ABCG1: variants seen among roughly 807,000 people sequenced by gnomAD.
The protein encoded by ABCG1 is ATP binding cassette subfamily G member 1.
ABCG1 carries 29 observed loss-of-function variants against 69.2 expected under a neutral mutation model. The observed-to-expected ratio is 0.42, with a 90% CI of 0.31 to 0.57. The LOEUF is 0.57. Ranked by LOEUF, ABCG1 falls within the 20% of genes least tolerant of loss-of-function variation. The probability of loss-of-function intolerance (pLI) is 0.15; values close to 1 mark genes in which losing one functional copy is unlikely to be tolerated. For missense variants in ABCG1, 718 were observed against 898.1 expected (o/e 0.80, Z 2.56); for synonymous variants, 370 against 374.8 (o/e 0.99, Z 0.15).
intron 2 of ABCG1, among the ~76,000 whole-genome samples, chr21:42,205,122 C>T (rs1425238793): frequency 3.3e-5 from 5 of 151,598 alleles, no homozygotes; most frequent in Admixed American, 6.6e-5. Flanking sequence ...TTGCATCTTG[C>T]GAGGAAGTGG....
chr21:42,243,849 C>G (rs1460086116), intron 2 of ABCG1, among the ~76,000 whole-genome samples: 1 of 117,728 alleles, frequency 8.5e-6, no homozygotes, highest in Non-Finnish European at 1.6e-5. Context: ...GACGGAGTCT[C>G]ACTCTGTCGC....
At position 42,296,257 on chromosome 21, in the gene ABCG1, G is replaced by A. The variant is rs371959642; in HGVS notation, c.1866G>A (p.Ser622=). The A allele has an allele frequency of 1.1e-5, 18 of 1,613,998 alleles. No homozygotes were observed. The highest frequency in any genetic ancestry group is 3.3e-5 in the South Asian group (3 of 91,080). The change falls in exon 15 of 15, where the codon TCG becomes TCA. Residue 622 remains serine, a synonymous_variant. Transcript: ENST00000398449. The surrounding 1 kb of genome is among the most constrained non-coding windows in gnomAD (Gnocchi z 5.4). ...ACGAGACGTGCCACTTCCAGAAGTC[G>A]GAGGCCATCCTGCGGGAGCTGGACG... ...DIDETCHFQK[S]EAILRELDVE...
chr21:42,251,133 T>G (rs2068214790), intron 2 of ABCG1, among the ~76,000 whole-genome samples: 1 of 152,118 alleles, frequency 6.6e-6, no homozygotes, highest in Non-Finnish European at 1.5e-5. Context: ...AGGAGGGAAG[T>G]GGGATTCAGA....
At chr21:42,221,125 C>T (rs962022653) in intron 1 of ABCG1, 1 of 151,856 alleles carries the variant, frequency 6.6e-6, no homozygotes, top group Non-Finnish European at 1.5e-5. Context: ...AAATTATTTT[C>T]CTCTCTGAAA....
chr21:42,202,521 G>T (rs1215650854), intron 2 of ABCG1, among the ~76,000 whole-genome samples: 2 of 151,866 alleles, frequency 1.3e-5, no homozygotes, highest in African/African-American at 4.8e-5. Flanking sequence ...TTGAATGCAC[G>T]CCTCCCTCCC....
At chr21:42,225,066 A>G (rs2067793829) in intron 1 of ABCG1, among the ~76,000 whole-genome samples, 1 of 152,206 alleles carries the variant, frequency 6.6e-6, no homozygotes, top group African/African-American at 2.4e-5. Flanking sequence ...AACATATTAA[A>G]AAATGTTAAC....
chr21:42,267,423 G>GGTTCTGTCTGGGTGTGGTCCGA (rs2123713593), intron 2 of ABCG1, among the ~76,000 whole-genome samples: 1 of 150,376 alleles, frequency 6.6e-6, no homozygotes, highest in East Asian at 1.9e-4. Flanking sequence ...GTCTGATCTG[G>GGTTCTGTCTGGGTGTGGTCCGA]GTTCTGTCTG....
At chr21:42,231,581 G>A (rs1046744616) in intron 2 of ABCG1, among the ~76,000 whole-genome samples, 2 of 152,242 alleles carry the variant, frequency 1.3e-5, no homozygotes, top group Non-Finnish European at 2.9e-5. Context: ...GCCAGCTAAA[G>A]TGCATGGAAG....
At chr21:42,247,324 G>C (rs2068148454) in intron 2 of ABCG1, among the ~76,000 whole-genome samples, 2 of 152,328 alleles carry the variant, frequency 1.3e-5, no homozygotes, top group East Asian at 1.9e-4. Flanking sequence ...TCACTATCAG[G>C]CAGGGGTTAT....
At position 42,202,590 on chromosome 21, in the gene ABCG1, A is replaced by T. The variant is rs79305420; in HGVS notation, c.48+867A>T. ...AGTCACCCCCATCTTAATCTTACTCAACAGTCACAACAGTCTCTCTCCCTT... is the reference window on the plus strand; with the variant it reads ...AGTCACCCCCATCTTAATCTTACTCTACAGTCACAACAGTCTCTCTCCCTT... On this transcript the variant is annotated intron_variant, in intron 2 of 15. Transcript: ENST00000398457. Among the ~76,000 whole-genome samples, 3 of 146,138 alleles carry T rather than the reference A, an allele frequency of 2.1e-5. No individual in the cohort carries two copies. In the East Asian group the frequency reaches 6.0e-4, roughly 29 times the overall value.
At chr21:42,293,856 TCACA>T (rs1487817894) in intron 13 of ABCG1, among the ~76,000 whole-genome samples, 1 of 121,840 alleles carries the variant, frequency 8.2e-6, no homozygotes, top group Non-Finnish European at 1.7e-5. Context: ...ACTAGAAACA[TCACA>T]CACTACACAC....
intron 4 of ABCG1, among the ~76,000 whole-genome samples, chr21:42,274,472 G>C (rs2068673872): frequency 7.6e-6 from 1 of 131,924 alleles, no homozygotes; most frequent in Non-Finnish European, 1.6e-5. Context: ...GGGTTTCCAG[G>C]GCCTTTTTTT....
At position 42,219,550 on chromosome 21, in the gene ABCG1, G is replaced by A. The variant is rs1333532285; in HGVS notation, c.42+246G>A. Among the ~76,000 whole-genome samples, 1 of 152,182 alleles carries A rather than the reference G, an allele frequency of 6.6e-6. No individual in the cohort carries two copies. The highest frequency in any genetic ancestry group is 1.9e-4 in the East Asian group (1 of 5,170). On this transcript the variant is annotated intron_variant, in intron 1 of 14. Coordinates refer to ENST00000398449, the MANE Select transcript of ABCG1 (RefSeq NM_016818.3). The surrounding 1 kb of genome is among the most constrained non-coding windows in gnomAD (Gnocchi z 5.3). Reference sequence around the variant, plus strand: ...CACGGACTAGGTGGAGGGGCCGGGAGTGGGGCGGGGGCAGCGAGTTGCCCT... The same window carrying A: ...CACGGACTAGGTGGAGGGGCCGGGAATGGGGCGGGGGCAGCGAGTTGCCCT...
chr21:42,212,897 G>A (rs533637049), upstream of ABCG1, among the ~76,000 whole-genome samples: 29 of 152,240 alleles, frequency 1.9e-4, no homozygotes, highest in African/African-American at 5.8e-4. Context: ...GTTTCACCAT[G>A]TTAGCCAGGA....
intron 2 of ABCG1, among the ~76,000 whole-genome samples, chr21:42,261,141 CTCTT>C (rs899594071): frequency 5.9e-5 from 9 of 152,066 alleles, no homozygotes; most frequent in African/African-American, 1.7e-4. Flanking sequence ...GTTTTCTACC[CTCTT>C]TCTTCTTCTA....
At position 42,202,030 on chromosome 21, in the gene ABCG1, C is replaced by T. The variant is rs574975265; in HGVS notation, c.48+307C>T. On this transcript the variant is annotated intron_variant, in intron 2 of 15. Coordinates refer to the ABCG1 transcript ENST00000398457. ...TGTGGTTCTCCTGGTCCATGCAGGG[C>T]GCAGTGTCCTGCTGAGTGTGCAGGT... Among the ~76,000 whole-genome samples, 16 of 152,214 alleles carry T rather than the reference C, an allele frequency of 1.1e-4. No individual in the cohort carries two copies. In the South Asian group the frequency reaches 2.1e-3, roughly 20 times the overall value.
At chr21:42,289,942 C>T (rs4148137) in intron 10 of ABCG1, 108 bp from the exon 11 acceptor site, 461,190 of 1,252,072 alleles carry the variant, frequency 0.37, 86,370 homozygotes, top group Non-Finnish European at 0.37. Flanking sequence ...CTAAGACGTG[C>T]TGTCACAGAG....
At position 42,219,647 on chromosome 21, in the gene ABCG1, CACTGGGG is replaced by C. The variant is rs1442019375; in HGVS notation, c.42+352_42+358del. On this transcript the variant is annotated intron_variant, in intron 1 of 14. Coordinates refer to ENST00000398449, the MANE Select transcript of ABCG1 (RefSeq NM_016818.3). The surrounding 1 kb of genome is among the most constrained non-coding windows in gnomAD (Gnocchi z 5.3). ...CGTGGGGAGCTGGGGACCCGGAGCG[CACTGGGG>C]ACTGGGGAGGGGCCGCAGCTTGGGC... Among the ~76,000 whole-genome samples the C allele has an allele frequency of 2.6e-5, 4 of 151,858 alleles. No homozygotes were observed. The highest frequency in any genetic ancestry group is 9.7e-5 in the African/African-American group (4 of 41,364).
In ABCG1 at chr21:42,296,491, C is replaced by T; in HGVS notation, c.*99C>T. The T allele has an allele frequency of 9.2e-7, 1 of 1,082,066 alleles. No homozygotes were observed. The highest frequency in any genetic ancestry group is 1.4e-6 in the Non-Finnish European group (1 of 738,254). The allele number at this position is 1,082,066 out of a possible 1,614,324, so 67.0% of individuals were successfully genotyped here. A position where few individuals can be genotyped will look rare whatever the true frequency, so the allele number is the denominator to read the frequency against. On this transcript the variant is annotated 3_prime_UTR_variant, in exon 15 of 15. Coordinates refer to ENST00000398449, the MANE Select transcript of ABCG1 (RefSeq NM_016818.3). The surrounding 1 kb of genome is among the most constrained non-coding windows in gnomAD (Gnocchi z 5.4). ...CTGTGCCCGACCGACGACACAGAGA[C>T]TCTTCTGATCCAACCCCTAGAACCG...
Sources: gnomAD v4.1 joint callset for allele counts (sites outside exome capture counted in the v4.1 genomes callset) on GRCh38, gnomAD v4.1.1 for gene constraint, Gnocchi (gnomAD v3.1) non-coding constraint, MANE v1.5 for transcripts, NCBI Gene and HGNC (gene_info 2026-07-23, HGNC 2026-07-21) for gene names.